The following KCTD3 variants were observed in gnomAD, a reference collection of about 807,000 sequenced individuals.
KCTD3 encodes BTB/POZ domain-containing protein KCTD3.
A neutral mutation model predicts 85.8 loss-of-function variants in KCTD3; 41 were observed. The ratio of observed to expected loss-of-function variants is 0.48; its 90% CI spans 0.37 to 0.62. The LOEUF (loss-of-function observed/expected upper bound fraction) is 0.62. Ranked by LOEUF, KCTD3 falls within the 20% of genes least tolerant of loss-of-function variation. KCTD3 has a pLI of 0.00. For missense variants in KCTD3, 724 were observed against 989.9 expected (o/e 0.73, Z 3.60); for synonymous variants, 338 against 345.4 (o/e 0.98, Z 0.24).
chr1:215,620,636 T>C lies in KCTD3; in HGVS notation c.*18T>C. On this transcript the variant is annotated 3_prime_UTR_variant, in exon 18 of 18. Coordinates refer to ENST00000259154, the MANE Select transcript of KCTD3 (RefSeq NM_016121.5). The stretch of plus-strand genomic sequence containing the variant: ...GCTTGTGAAAACTCACCAAAATGAA[T>C]AGTTGTTTCGTTACATTTAGATGAA... 1 of 1,510,316 alleles carries C rather than the reference T, an allele frequency of 6.6e-7. No individual in the cohort carries two copies. Among genetic ancestry groups the C allele is most frequent in the African/African-American group, 1.4e-5 (1 of 71,720 alleles). The allele number at this position is 1,510,316 out of a possible 1,614,324, so 93.6% of individuals were successfully genotyped here.
At chr1:215,606,390 ATC>A (rs1229217327) in intron 13 of KCTD3, among the ~76,000 whole-genome samples, 1 of 152,034 alleles carries the variant, frequency 6.6e-6, no homozygotes, top group Non-Finnish European at 1.5e-5. Context: ...CTTGTTTATT[ATC>A]TCTATCTCTT....
Position 215,600,835 on chromosome 1 carries a change from C to T in KCTD3, c.934-1032C>T, listed in dbSNP as rs1318954385. On this transcript the variant is annotated intron_variant, in intron 10 of 17. Transcript: ENST00000259154. ...AATTCAAATGTCATCTGTGAAGAAG[C>T]TTAACAGGCTTGTCTGGCCTGGCTG... 2.6e-5 allele frequency among the ~76,000 whole-genome samples: 4 copies of T among 152,254 alleles called. No homozygotes were observed. In the East Asian group the frequency reaches 5.8e-4, roughly 22 times the overall value.
chr1:215,615,415 TTGAGACCATCC>T (rs1178462095), intron 15 of KCTD3, among the ~76,000 whole-genome samples: 6 of 151,466 alleles, frequency 4.0e-5, no homozygotes, highest in Non-Finnish European at 8.8e-5. Context: ...GGTCAGGAGA[TTGAGACCATCC>T]TGGCTAACAC....
intron 15 of KCTD3, among the ~76,000 whole-genome samples, chr1:215,616,898 G>A (rs1655472765): frequency 6.6e-6 from 1 of 152,208 alleles, no homozygotes; most frequent in Non-Finnish European, 1.5e-5. Context: ...CCAATGAGTT[G>A]ACTGATGGCA....
chr1:215,604,325 G>T (rs1433905183), intron 13 of KCTD3, 23 bp downstream of exon 13: 1 of 1,583,858 alleles, frequency 6.3e-7, no homozygotes, highest in Non-Finnish European at 8.7e-7. Context: ...CATTATACTG[G>T]TAAGGAACTT....
Position 215,579,907 on chromosome 1 carries a change from A to G in KCTD3, c.536-2A>G. The G allele has an allele frequency of 1.2e-6, 2 of 1,608,750 alleles. No homozygotes were observed. Among genetic ancestry groups the G allele is most frequent in the Non-Finnish European group, 1.7e-6 (2 of 1,175,498 alleles). On this transcript the variant is annotated splice_acceptor_variant, in intron 7 of 17. Transcript: ENST00000259154. LOFTEE classifies it high-confidence loss of function. ...AAATATTTCTTTTTCCAAAATCAAC[A>G]GGATTTCCTGTGGATCCACGAAAGG...
intron 9 of KCTD3, among the ~76,000 whole-genome samples, chr1:215,587,351 G>A (rs767150134): frequency 1.3e-5 from 2 of 151,876 alleles, no homozygotes; most frequent in Non-Finnish European, 2.9e-5. Context: ...GGATGGTCTC[G>A]ATCTCCTGAT....
chr1:215,618,038 T>A, intron 15 of KCTD3: 1 of 435,088 alleles, frequency 2.3e-6, no homozygotes, highest in Middle Eastern at 3.4e-4. Flanking sequence ...TTGTGAAGAT[T>A]CCCATGTACA....
intron 14 of KCTD3, among the ~76,000 whole-genome samples, chr1:215,610,992 T>C (rs1029975166): frequency 6.6e-6 from 1 of 151,930 alleles, no homozygotes; most frequent in African/African-American, 2.4e-5. Context: ...TTATTGTAAA[T>C]CTTTTTACAA....
intron 13 of KCTD3, among the ~76,000 whole-genome samples, chr1:215,606,553 G>C (rs1238022117): frequency 6.6e-6 from 1 of 152,064 alleles, no homozygotes; most frequent in Non-Finnish European, 1.5e-5. Context: ...GTGATGTTTA[G>C]ATGATAATGT....
rs201498407 is a variant in KCTD3 at position 215,579,662 on chromosome 1, C to T, written c.536-247C>T. On this transcript the variant is annotated intron_variant, in intron 7 of 17. Coordinates refer to ENST00000259154, the MANE Select transcript of KCTD3 (RefSeq NM_016121.5). ...TACAGGCGGCCGCCACCATGCCAGA[C>T]TAATTTTTTGTATTTTTAATAGAGA... is the stretch of plus-strand genomic sequence containing the variant. Among the ~76,000 whole-genome samples, 32 of 152,148 alleles carry T rather than the reference C, an allele frequency of 2.1e-4. No homozygotes were observed. The East Asian group carries it at 3.5e-3, about 17-fold the overall frequency.
chr1:215,580,918 C>G (rs1165550204), intron 8 of KCTD3: 1 of 459,498 alleles, frequency 2.2e-6, no homozygotes, highest in Non-Finnish European at 4.5e-6. Flanking sequence ...TCAGTAATCT[C>G]AGGTTTATAT....
At chr1:215,615,387 G>A (rs926733228) in intron 15 of KCTD3, among the ~76,000 whole-genome samples, 3 of 152,112 alleles carry the variant, frequency 2.0e-5, no homozygotes, top group African/African-American at 4.8e-5. Context: ...TTGGGAGGCC[G>A]AGGCGGGCAG....
chr1:215,616,515 CTT>C (rs1207334722), intron 15 of KCTD3, among the ~76,000 whole-genome samples: 1 of 152,056 alleles, frequency 6.6e-6, no homozygotes, highest in African/African-American at 2.4e-5. Context: ...AATCCCAGCA[CTT>C]TGGGAGGCTG....
chr1:215,574,095 A>G lies in KCTD3; in HGVS notation c.160A>G (p.Thr54Ala). ...FSSLLSGRIS[T>A]LRDETGAIFI... ...CAGTTTGCTGAGTGGGAGAATTTCA[A>G]CACTTCGAGATGAAACTGGTGCTGT... The change falls in exon 3 of 18, where the codon ACA becomes GCA. Residue 54 changes from threonine (T) to alanine (A), a missense_variant. Around this residue, in one of 6 missense-constraint regions of KCTD3, gnomAD observed 97 missense variants for 115.7 expected, o/e 0.84. Transcript: ENST00000259154. 4.4e-6 allele frequency: 7 copies of G among 1,588,792 alleles called. No individual in the cohort carries two copies. Among genetic ancestry groups the G allele is most frequent in the Non-Finnish European group, 6.0e-6 (7 of 1,162,690 alleles).
rs372677593 is a variant in KCTD3 at position 215,586,530 on chromosome 1, C to T, written c.662C>T (p.Thr221Met). 7 of 1,613,538 alleles carry T rather than the reference C, an allele frequency of 4.3e-6. No homozygotes were observed. Among genetic ancestry groups the T allele is most frequent in the African/African-American group, 1.3e-5 (1 of 74,832 alleles). Reference sequence around the variant, plus strand: ...TCTTCAGGATGGCAGCAAGTGTTTACGAGCCCATATTTGGATTGGACTATC... The same window carrying T: ...TCTTCAGGATGGCAGCAAGTGTTTATGAGCCCATATTTGGATTGGACTATC... ...KESSGWQQVF[T>M]SPYLDWTIER... The change falls in exon 9 of 18, where the codon ACG becomes ATG. Residue 221 changes from threonine (T) to methionine (M), a missense_variant. Thr to Met is a moderately conservative substitution (Grantham distance 81). Around this residue, in one of 6 missense-constraint regions of KCTD3, gnomAD observed 146 missense variants for 320.3 expected, o/e 0.46. Transcript: ENST00000259154.
In KCTD3 at chr1:215,620,928, G is replaced by T; in HGVS notation, c.*310G>T. 3.0e-6 allele frequency: 1 copy of T among 330,444 alleles called. No homozygotes were observed. The allele number at this position is 330,444 out of a possible 1,614,324, so 20.5% of individuals were successfully genotyped here. A position where few individuals can be genotyped will look rare whatever the true frequency, so the allele number is the denominator to read the frequency against. ...GTCTTAATAGGATGGTGCCCATATA[G>T]GTGAGCATCCCTTTAGATCATGGGA... On this transcript the variant is annotated 3_prime_UTR_variant, in exon 18 of 18. Transcript: ENST00000259154.
At position 215,585,167 on chromosome 1, in the gene KCTD3, A is replaced by G; in HGVS notation, c.627-1328A>G. Among the ~76,000 whole-genome samples, 2 of 152,216 alleles carry G rather than the reference A, an allele frequency of 1.3e-5. 1 individual carries two copies. Among genetic ancestry groups the G allele is most frequent in the Non-Finnish European group, 2.9e-5 (2 of 68,040 alleles). On this transcript the variant is annotated intron_variant, in intron 8 of 17. Transcript: ENST00000259154. ...GAGTAAAGTGAAAGCAAGTTCATTA[A>G]GAAAGTAAAAGAATAAGAGAATGTC...
chr1:215,575,343 TA>T lies in KCTD3; in HGVS notation c.184-546del, dbSNP rs374358282. ...TTATGTATTCTGTGGTGCTTTAGTT[TA>T]AAAAAAAAAAATTGTCATTACCTTT... On this transcript the variant is annotated intron_variant, in intron 3 of 17. Coordinates refer to ENST00000259154, the MANE Select transcript of KCTD3 (RefSeq NM_016121.5). Among the ~76,000 whole-genome samples the T allele has an allele frequency of 8.7e-3, 1,286 of 147,250 alleles. 22 individuals carry two copies. The highest frequency in any genetic ancestry group is 0.07 in the South Asian group (328 of 4,688).
Sources: gnomAD v4.1 joint callset for allele counts (sites outside exome capture counted in the v4.1 genomes callset) on GRCh38, gnomAD v4.1.1 for gene constraint, gnomAD v4.1.1 regional missense constraint, MANE v1.5 for transcripts, NCBI Gene and HGNC (gene_info 2026-07-23, HGNC 2026-07-21) for gene names.